RBFOX3: variants seen among roughly 807,000 people sequenced by gnomAD.
RBFOX3 encodes RNA binding fox-1 homolog 3.
In RBFOX3, 17 loss-of-function variants were observed where a neutral mutation model predicts 48.7. The ratio of observed to expected loss-of-function variants is 0.35; its 90% CI spans 0.24 to 0.52. RBFOX3 has a LOEUF of 0.52. Ranked by LOEUF, RBFOX3 falls within the 20% of genes least tolerant of loss-of-function variation. The pLI, the probability that RBFOX3 is intolerant of heterozygous loss-of-function variation, is 0.94. For missense variants in RBFOX3, 382 were observed against 497.5 expected (o/e 0.77, Z 2.21); for synonymous variants, 212 against 209.5 (o/e 1.01, Z -0.10).
At chr17:79,371,435 G>A (rs1247402438) in intron 2 of RBFOX3, among the ~76,000 whole-genome samples, 1 of 152,204 alleles carries the variant, frequency 6.6e-6, no homozygotes, top group Non-Finnish European at 1.5e-5. Flanking sequence ...CCCTGTGGGG[G>A]CAAGAGCTCC....
chr17:79,172,252 G>T (rs577531689), intron 4 of RBFOX3, among the ~76,000 whole-genome samples: 5 of 148,646 alleles, frequency 3.4e-5, no homozygotes, highest in Non-Finnish European at 7.5e-5. Flanking sequence ...TTTAAAAAAT[G>T]AACAGCAGAT....
intron 3 of RBFOX3, among the ~76,000 whole-genome samples, chr17:79,237,268 G>A (rs139111790): frequency 6.6e-5 from 10 of 152,294 alleles, no homozygotes; most frequent in Non-Finnish European, 1.0e-4. Context: ...CACCACCACC[G>A]TCTTCATCCA....
chr17:79,105,677 C>A (rs2077227001), intron 6 of RBFOX3, among the ~76,000 whole-genome samples: 1 of 152,134 alleles, frequency 6.6e-6, no homozygotes, highest in African/African-American at 2.4e-5. Flanking sequence ...GAGGTGCTTC[C>A]AGTCTGCCTG....
At chr17:79,317,418 C>T (rs547326302) in intron 2 of RBFOX3, among the ~76,000 whole-genome samples, 23 of 152,358 alleles carry the variant, frequency 1.5e-4, no homozygotes, top group Non-Finnish European at 2.2e-4. Flanking sequence ...GAAGCCCCCA[C>T]GGGTTCAGCC....
At chr17:79,101,445 G>A (rs900411748) in intron 9 of RBFOX3, 139 bp downstream of exon 9, 42 of 752,688 alleles carry the variant, frequency 5.6e-5, no homozygotes, top group South Asian at 1.6e-4. Flanking sequence ...GGAGCAGAGC[G>A]GCAGCCCCAG....
chr17:79,227,498 A>G (rs557084141), intron 4 of RBFOX3, among the ~76,000 whole-genome samples: 6 of 152,282 alleles, frequency 3.9e-5, no homozygotes, highest in African/African-American at 1.4e-4. Context: ...ATTTGTGCTC[A>G]CTGCACAGGA....
intron 14 of RBFOX3, chr17:79,092,237 C>T (rs1219815222): frequency 7.1e-6 from 7 of 985,398 alleles, no homozygotes; most frequent in East Asian, 1.1e-4. Flanking sequence ...AGGGCGCTAC[C>T]GCTACTCCCA....
At chr17:79,593,719 A>G (rs991058941) in intron 1 of RBFOX3, among the ~76,000 whole-genome samples, 2 of 152,208 alleles carry the variant, frequency 1.3e-5, no homozygotes, top group Non-Finnish European at 2.9e-5. Flanking sequence ...TTTGAAAACG[A>G]CAAGAGGAGT....
chr17:79,419,944 C>T (rs899550884), intron 2 of RBFOX3, among the ~76,000 whole-genome samples: 3 of 152,188 alleles, frequency 2.0e-5, no homozygotes, highest in Non-Finnish European at 2.9e-5. Context: ...TTGGGCAACA[C>T]GGTGAAACCT....
At chr17:79,321,855 G>A (rs933917431) in intron 2 of RBFOX3, among the ~76,000 whole-genome samples, 9 of 152,092 alleles carry the variant, frequency 5.9e-5, no homozygotes, top group Non-Finnish European at 8.8e-5. Flanking sequence ...ACAGGTGCAC[G>A]CCACTGAATC....
upstream of RBFOX3, among the ~76,000 whole-genome samples, chr17:79,611,130 T>TCTCTCCCTCTC (rs1491548376): frequency 1.1e-4 from 4 of 37,846 alleles, no homozygotes; most frequent in African/African-American, 2.6e-4. Context: ...TCCGCCCTCC[T>TCTCTCCCTCTC]TCTCTCTCTC....
intron 2 of RBFOX3, among the ~76,000 whole-genome samples, chr17:79,394,377 C>G (rs986515141): frequency 5.9e-5 from 9 of 152,330 alleles, no homozygotes; most frequent in East Asian, 1.9e-4. Flanking sequence ...CCCATCTCCA[C>G]CACTGGGGCA....
At chr17:79,251,033 C>A (rs1600226691) in intron 3 of RBFOX3, among the ~76,000 whole-genome samples, 1 of 151,962 alleles carries the variant, frequency 6.6e-6, no homozygotes, top group African/African-American at 2.4e-5. Context: ...GGTGTCCCAA[C>A]CTCAGGTGAC....
rs2059657420 is a variant in RBFOX3, at chr17:79,220,983, AGCGTTT to A, written c.-34+14777_-34+14782del. Among the ~76,000 whole-genome samples the A allele has an allele frequency of 6.6e-6, 1 of 152,202 alleles. No homozygotes were observed. Among genetic ancestry groups the A allele is most frequent in the African/African-American group, 2.4e-5 (1 of 41,460 alleles). On this transcript the variant is annotated intron_variant, in intron 4 of 14. Coordinates refer to ENST00000693108, the MANE Select transcript of RBFOX3 (RefSeq NM_001350451.2). This position sits in a 1 kb window ranked among gnomAD's most constrained non-coding sequence, Gnocchi z 5.9. ...CTGCATCTAACGTCTGTCCTGCCTC[AGCGTTT>A]TCCAGGACACCCCATCCATGAGGGA...
intron 4 of RBFOX3, among the ~76,000 whole-genome samples, chr17:79,172,415 G>C (rs1385437515): frequency 1.3e-5 from 2 of 152,224 alleles, no homozygotes; most frequent in African/African-American, 4.8e-5. Flanking sequence ...GGAGCTGGGA[G>C]GGGACCGGTC....
At chr17:79,271,630 C>T (rs2067722592) in intron 3 of RBFOX3, among the ~76,000 whole-genome samples, 1 of 152,218 alleles carries the variant, frequency 6.6e-6, no homozygotes, top group Admixed American at 6.5e-5. Context: ...ACTTTCCCTT[C>T]TCCCACCCCA....
At chr17:79,522,002 G>A (rs979830505) in intron 1 of RBFOX3, among the ~76,000 whole-genome samples, 7,364 of 152,234 alleles carry the variant, frequency 0.048, 299 homozygotes, top group African/African-American at 0.11. Context: ...TGCTGCTCCC[G>A]CTGCTGGTGA....
chr17:79,618,063 G>A, the RBFOX3 span, among the ~76,000 whole-genome samples: 29 of 152,300 alleles, frequency 1.9e-4, no homozygotes, highest in Middle Eastern at 3.4e-3. Context: ...CACGCCGTCC[G>A]TCTCTCCTCC....
At chr17:79,090,963 G>A in intron 14 of RBFOX3, 78 bp from the exon 15 acceptor site, 11 of 1,462,746 alleles carry the variant, frequency 7.5e-6, no homozygotes, top group Non-Finnish European at 9.1e-6. Flanking sequence ...AGGACCACGT[G>A]GCACGGGGCC....
Sources: allele counts gnomAD v4.1 joint callset (sites outside exome capture counted in the v4.1 genomes callset), GRCh38; gene constraint gnomAD v4.1.1; non-coding constraint Gnocchi (gnomAD v3.1); transcripts MANE v1.5; gene names NCBI Gene and HGNC (gene_info 2026-07-23, HGNC 2026-07-21).